RALYL: variants seen among roughly 807,000 people sequenced by gnomAD.
RALYL encodes RNA-binding Raly-like protein.
RALYL carries 29 observed loss-of-function variants against 35.1 expected under a neutral mutation model. That is an observed-to-expected ratio of 0.83 (90% confidence interval 0.61 to 1.13). The LOEUF is 1.13. Among genes scored for constraint, RALYL ranks in the 50% most tolerant of loss-of-function variants. RALYL has a pLI of 0.00. For synonymous variants in RALYL, 120 were observed against 127.6 expected (o/e 0.94, Z 0.40); for missense variants, 359 against 360.4 (o/e 1.00, Z 0.03).
chr8:84,524,429 A>G (rs1399888134), intron 1 of RALYL, among the ~76,000 whole-genome samples: 9 of 152,222 alleles, frequency 5.9e-5, no homozygotes, highest in African/African-American at 1.2e-4. Flanking sequence ...TAGAATGGCA[A>G]TCATTAAAAA....
chr8:84,848,891 A>T (rs1409337316), intron 4 of RALYL, among the ~76,000 whole-genome samples: 1 of 152,132 alleles, frequency 6.6e-6, no homozygotes, highest in Non-Finnish European at 1.5e-5. Context: ...TCATCATCAC[A>T]TTAAGACTTC....
intron 2 of RALYL, among the ~76,000 whole-genome samples, chr8:84,762,045 G>C (rs1812838140): frequency 6.6e-6 from 1 of 152,046 alleles, no homozygotes; most frequent in African/African-American, 2.4e-5. Flanking sequence ...CTGCTACAGG[G>C]AAGGGCAACA....
intron 1 of RALYL, among the ~76,000 whole-genome samples, chr8:84,359,086 A>G (rs1313403433): frequency 6.6e-6 from 1 of 152,086 alleles, no homozygotes; most frequent in Non-Finnish European, 1.5e-5. Flanking sequence ...CAAAGTATTT[A>G]ACCATATGAA....
At chr8:84,322,139 A>G (rs1391606345) in intron 1 of RALYL, among the ~76,000 whole-genome samples, 3 of 152,110 alleles carry the variant, frequency 2.0e-5, no homozygotes, top group African/African-American at 7.2e-5. Context: ...CATTAGCAAT[A>G]TAATTGACCC....
intron 8 of RALYL, among the ~76,000 whole-genome samples, chr8:84,889,096 C>T (rs1426744950): frequency 1.3e-5 from 2 of 152,146 alleles, no homozygotes; most frequent in African/African-American, 2.4e-5. Flanking sequence ...AACAACCACC[C>T]CTATTTCCAT....
At chr8:84,371,371 C>G (rs1446801224) in intron 1 of RALYL, among the ~76,000 whole-genome samples, 3 of 151,956 alleles carry the variant, frequency 2.0e-5, no homozygotes. Context: ...CTCACTCTTT[C>G]TCCGTCACAA....
At chr8:84,664,322 T>G (rs555773255) in intron 2 of RALYL, among the ~76,000 whole-genome samples, 1 of 151,506 alleles carries the variant, frequency 6.6e-6, no homozygotes, top group East Asian at 1.9e-4. Context: ...AGGTTCTTTT[T>G]TGGTTCCGTA....
intron 1 of RALYL, among the ~76,000 whole-genome samples, chr8:84,281,650 T>A (rs1051785907): frequency 6.6e-6 from 1 of 152,146 alleles, no homozygotes. Context: ...TCCCCAAACT[T>A]TTCTTTTTCC....
At chr8:84,316,339 C>A (rs1410797769) in intron 1 of RALYL, among the ~76,000 whole-genome samples, 1 of 152,034 alleles carries the variant, frequency 6.6e-6, no homozygotes, top group Non-Finnish European at 1.5e-5. Flanking sequence ...TATTCTAAAT[C>A]ATTTATTATA....
chr8:84,540,313 TTGTG>T (rs138650642), intron 2 of RALYL, among the ~76,000 whole-genome samples: 95 of 144,946 alleles, frequency 6.6e-4, no homozygotes, highest in African/African-American at 1.5e-3. Context: ...ATCATAGGAT[TTGTG>T]TGTGTGTGTG....
At chr8:84,246,335 C>A (rs1371321255) in intron 1 of RALYL, among the ~76,000 whole-genome samples, 1 of 152,046 alleles carries the variant, frequency 6.6e-6, no homozygotes, top group Non-Finnish European at 1.5e-5. Context: ...TTTTTACCTT[C>A]AAGAAACTTA....
At chr8:84,508,273 A>C (rs1248224846) in intron 1 of RALYL, among the ~76,000 whole-genome samples, 1 of 152,132 alleles carries the variant, frequency 6.6e-6, no homozygotes, top group Non-Finnish European at 1.5e-5. Context: ...GACTATCCTT[A>C]GCAAACAGTG....
At chr8:84,635,013 T>A (rs11985758) in intron 2 of RALYL, among the ~76,000 whole-genome samples, 12,032 of 151,708 alleles carry the variant, frequency 0.079, 1,211 homozygotes, top group African/African-American at 0.23. Flanking sequence ...GTTTGCCAGA[T>A]AATGGTGGTA....
rs1279687218 is a variant in RALYL, at chr8:84,409,528, C to T, written c.-23-119771C>T. Among the ~76,000 whole-genome samples, 4 of 151,996 alleles carry T rather than the reference C, an allele frequency of 2.6e-5. No homozygotes were observed. The East Asian group carries it at 7.7e-4, about 29-fold the overall frequency. On this transcript the variant is annotated intron_variant, in intron 1 of 8. Coordinates refer to ENST00000521268, the MANE Select transcript of RALYL (RefSeq NM_173848.7). The stretch of plus-strand genomic sequence containing the variant: ...ATTTCAGAGGAGAGCTATCATAGAG[C>T]TCATTTAATATAATTGCACTTTATA...
intron 4 of RALYL, among the ~76,000 whole-genome samples, chr8:84,843,535 A>T (rs1471001998): frequency 2.0e-5 from 3 of 152,236 alleles, no homozygotes; most frequent in Non-Finnish European, 2.9e-5. Flanking sequence ...GAAAATGGCC[A>T]TACTGCCCAA....
intron 1 of RALYL, among the ~76,000 whole-genome samples, chr8:84,431,298 T>C (rs2047112292): frequency 6.6e-6 from 1 of 152,114 alleles, no homozygotes; most frequent in South Asian, 2.1e-4. Context: ...ACTCCACAAA[T>C]TGTGCACTTG....
At chr8:84,776,497 C>A (rs1816874971) in intron 3 of RALYL, among the ~76,000 whole-genome samples, 1 of 152,086 alleles carries the variant, frequency 6.6e-6, no homozygotes, top group African/African-American at 2.4e-5. Context: ...CAACAAGAAG[C>A]AAATGACACA....
At chr8:84,646,679 G>T (rs1046840951) in intron 2 of RALYL, among the ~76,000 whole-genome samples, 1 of 151,974 alleles carries the variant, frequency 6.6e-6, no homozygotes, top group Non-Finnish European at 1.5e-5. Flanking sequence ...TGTTTTGATT[G>T]CAGTGTTGTG....
chr8:84,370,381 G>A (rs187017108), intron 1 of RALYL, among the ~76,000 whole-genome samples: 60 of 151,862 alleles, frequency 4.0e-4, no homozygotes, highest in African/African-American at 1.4e-3. Context: ...TAATTTTAAC[G>A]TAAATGAAAA....
Sources: gnomAD v4.1 joint callset for allele counts (sites outside exome capture counted in the v4.1 genomes callset) on GRCh38, gnomAD v4.1.1 for gene constraint, MANE v1.5 for transcripts, NCBI Gene and HGNC (gene_info 2026-07-23, HGNC 2026-07-21) for gene names.